The following MPPED2 variants were observed in gnomAD, a reference collection of about 807,000 sequenced individuals.
MPPED2 encodes the protein metallophosphoesterase domain containing 2.
A neutral mutation model predicts 33.0 loss-of-function variants in MPPED2; 5 were observed. The observed-to-expected ratio is 0.15, with a 90% CI of 0.08 to 0.32. The LOEUF (loss-of-function observed/expected upper bound fraction) is 0.32. MPPED2 is among the 10% of genes least tolerant of loss of function. The pLI is 1.00. For synonymous variants in MPPED2, 136 were observed against 141.9 expected, an observed-to-expected ratio of 0.96 and a Z score of 0.29; for missense variants, 275 against 372.1, an observed-to-expected ratio of 0.74 and a Z score of 2.15.
At chr11:30,425,786 G>A (rs2133815651) in intron 4 of MPPED2, among the ~76,000 whole-genome samples, 1 of 152,296 alleles carries the variant, frequency 6.6e-6, no homozygotes, top group South Asian at 2.1e-4. Flanking sequence ...GCAGCCCCCA[G>A]TGGGACCTGC....
intron 2 of MPPED2, among the ~76,000 whole-genome samples, chr11:30,559,415 A>C (rs2134701666): frequency 6.6e-6 from 1 of 152,334 alleles, no homozygotes; most frequent in South Asian, 2.1e-4. Flanking sequence ...GATCTTTAAA[A>C]CCATAGTTAA....
intron 6 of MPPED2, among the ~76,000 whole-genome samples, chr11:30,397,480 C>G (rs560093524): frequency 3.9e-5 from 6 of 152,236 alleles, no homozygotes; most frequent in Admixed American, 1.3e-4. Flanking sequence ...GCGATACAAA[C>G]TATAACATTG....
At chr11:30,468,493 GA>G (rs1353703317) in intron 4 of MPPED2, among the ~76,000 whole-genome samples, 4 of 152,072 alleles carry the variant, frequency 2.6e-5, no homozygotes, top group African/African-American at 9.7e-5. Flanking sequence ...TGACTAGTCT[GA>G]ATATAAAATG....
At chr11:30,529,250 A>C (rs1205745401) in intron 3 of MPPED2, among the ~76,000 whole-genome samples, 6 of 152,230 alleles carry the variant, frequency 3.9e-5, no homozygotes, top group Admixed American at 2.6e-4. Context: ...AAAGAAACAG[A>C]AAGTAGAAAA....
chr11:30,406,306 T>C (rs1210728774), downstream of MPPED2, among the ~76,000 whole-genome samples: 1 of 152,204 alleles, frequency 6.6e-6, no homozygotes, highest in Non-Finnish European at 1.5e-5. Flanking sequence ...TATTTCTGAA[T>C]GTCAAGCTGA....
chr11:30,426,572 A>ACAT (rs1948848452), intron 4 of MPPED2, among the ~76,000 whole-genome samples: 1 of 152,180 alleles, frequency 6.6e-6, no homozygotes, highest in Admixed American at 6.5e-5. Flanking sequence ...CATTCAACAG[A>ACAT]CATCACCTGG....
intron 2 of MPPED2, among the ~76,000 whole-genome samples, chr11:30,567,297 A>G (rs538127986): frequency 2.6e-5 from 4 of 152,136 alleles, no homozygotes; most frequent in Admixed American, 2.6e-4. Flanking sequence ...GCGATCAACA[A>G]TGAGGCTTAC....
intron 2 of MPPED2, among the ~76,000 whole-genome samples, chr11:30,573,612 C>T (rs972370950): frequency 6.6e-6 from 1 of 152,252 alleles, no homozygotes; most frequent in Admixed American, 6.5e-5. Flanking sequence ...ATGAATGATC[C>T]TGACCCTATG....
At chr11:30,434,602 C>G (rs1365352095) in intron 4 of MPPED2, among the ~76,000 whole-genome samples, 4 of 152,170 alleles carry the variant, frequency 2.6e-5, no homozygotes, top group Non-Finnish European at 5.9e-5. Flanking sequence ...TGCATAAAAA[C>G]ATTTAAAAGC....
At chr11:30,515,150 C>T (rs963898658) in intron 3 of MPPED2, among the ~76,000 whole-genome samples, 3 of 152,052 alleles carry the variant, frequency 2.0e-5, no homozygotes, top group African/African-American at 4.8e-5. Context: ...TTACAGTAAC[C>T]TTATGAGGCA....
chr11:30,461,483 C>T (rs372368395), intron 4 of MPPED2, among the ~76,000 whole-genome samples: 4 of 152,000 alleles, frequency 2.6e-5, no homozygotes, highest in East Asian at 3.9e-4. Context: ...GCATTTGTGC[C>T]ACAGCGAAGT....
chr11:30,541,273 C>A (rs955978694), intron 2 of MPPED2, among the ~76,000 whole-genome samples: 11 of 152,070 alleles, frequency 7.2e-5, no homozygotes, highest in African/African-American at 2.4e-4. Context: ...GGTTTTTTTA[C>A]TCACAAAAAA....
chr11:30,568,182 T>C (rs536722512), intron 2 of MPPED2, among the ~76,000 whole-genome samples: 2 of 152,344 alleles, frequency 1.3e-5, no homozygotes, highest in South Asian at 4.1e-4. Flanking sequence ...CATTACTTTT[T>C]GAAGCATATA....
At chr11:30,405,421 C>T (rs1423316630), downstream of MPPED2, among the ~76,000 whole-genome samples, 2 of 152,180 alleles carry the variant, frequency 1.3e-5, no homozygotes, top group Non-Finnish European at 2.9e-5. Context: ...TGTGTTTAGT[C>T]TACCCATGCT....
chr11:30,510,445 T>G (rs1953099495), intron 3 of MPPED2, among the ~76,000 whole-genome samples: 1 of 152,226 alleles, frequency 6.6e-6, no homozygotes, highest in African/African-American at 2.4e-5. Flanking sequence ...CTACATTTGC[T>G]TATCCTCAGC....
At chr11:30,545,562 G>T (rs956914859) in intron 2 of MPPED2, among the ~76,000 whole-genome samples, 2 of 152,118 alleles carry the variant, frequency 1.3e-5, no homozygotes, top group African/African-American at 4.8e-5. Context: ...ATGATGATGA[G>T]AAATGGCAGC....
chr11:30,412,363 A>G (rs1050770972), intron 6 of MPPED2, among the ~76,000 whole-genome samples: 34 of 151,938 alleles, frequency 2.2e-4, no homozygotes, highest in African/African-American at 8.0e-4. Flanking sequence ...AATATGATAA[A>G]ATGTTTAGCA....
chr11:30,438,180 A>G (rs923628952), intron 4 of MPPED2, among the ~76,000 whole-genome samples: 4 of 152,022 alleles, frequency 2.6e-5, no homozygotes, highest in African/African-American at 9.7e-5. Flanking sequence ...CCAAGAAATG[A>G]CTCTTTTTCT....
chr11:30,490,204 C>A (rs769857156), intron 4 of MPPED2, among the ~76,000 whole-genome samples: 7 of 152,110 alleles, frequency 4.6e-5, no homozygotes, highest in Non-Finnish European at 7.3e-5. Context: ...AAATTGGGCA[C>A]CACTGGTGGC....
Sources: gnomAD v4.1 joint callset for allele counts (sites outside exome capture counted in the v4.1 genomes callset) on GRCh38, gnomAD v4.1.1 for gene constraint, MANE v1.5 for transcripts, NCBI Gene and HGNC (gene_info 2026-07-23, HGNC 2026-07-21) for gene names.